Variants in ELF1 observed in about 807,000 individuals in gnomAD.
ELF1 encodes E74 like ETS transcription factor 1, also known as ETS-related transcription factor Elf-1.
Under a neutral mutation model 59.9 loss-of-function variants are expected in ELF1, and 24 were observed. The ratio of observed to expected loss-of-function variants is 0.40; its 90% CI spans 0.29 to 0.56. ELF1 has a LOEUF of 0.56. ELF1 is among the 20% of genes least tolerant of loss of function. ELF1 has a pLI of 0.44. For missense variants in ELF1, 627 were observed against 742.2 expected (o/e 0.84, Z 1.80); for synonymous variants, 248 against 266.2 (o/e 0.93, Z 0.67).
chr13:41,044,291 T>C (rs550805428), intron 1 of ELF1, among the ~76,000 whole-genome samples: 1 of 152,284 alleles, frequency 6.6e-6, no homozygotes, highest in Non-Finnish European at 1.5e-5. Flanking sequence ...CCTTTATTTC[T>C]TTCTCCTGCC....
chr13:41,005,499 G>C (rs1874695681), intron 1 of ELF1, among the ~76,000 whole-genome samples: 2 of 129,158 alleles, frequency 1.5e-5, no homozygotes, highest in South Asian at 5.1e-4. Context: ...CAACCTTTAA[G>C]CAACTGACTA....
At chr13:41,060,914 T>TGCCGCTGCTGCCGCTGCCGCCGCCGCC (rs1555283652) in exon 1 of ELF1, 1 of 335,422 alleles carries the variant, frequency 3.0e-6, no homozygotes, top group African/African-American at 2.3e-5. Flanking sequence ...AAGCTGCTGC[T>TGCCGCTGCTGCCGCTGCCGCCGCCGCC]GCCGCCGCCG....
At chr13:41,050,311 G>T (rs1288331319) in intron 1 of ELF1, among the ~76,000 whole-genome samples, 2 of 152,124 alleles carry the variant, frequency 1.3e-5, no homozygotes, top group East Asian at 3.9e-4. Flanking sequence ...TGTCCTCAAG[G>T]TTATGTAGCA....
At chr13:40,991,205 G>A (rs1873836493) in intron 1 of ELF1, among the ~76,000 whole-genome samples, 2 of 152,150 alleles carry the variant, frequency 1.3e-5, no homozygotes, top group Admixed American at 6.5e-5. Flanking sequence ...AAGGAAACAT[G>A]ACAACTAAAT....
chr13:40,963,341 T>C (rs1298571325), intron 2 of ELF1, among the ~76,000 whole-genome samples: 2 of 152,242 alleles, frequency 1.3e-5, no homozygotes, highest in Non-Finnish European at 2.9e-5. Flanking sequence ...TTCACTATTA[T>C]TTCCAAGGCT....
At chr13:41,021,628 T>G (rs775995800), upstream of ELF1, among the ~76,000 whole-genome samples, 4 of 152,218 alleles carry the variant, frequency 2.6e-5, no homozygotes, top group Non-Finnish European at 4.4e-5. Flanking sequence ...GCATCATAAC[T>G]TATTTATCTA....
At chr13:40,972,685 G>A (rs1434214708) in intron 2 of ELF1, among the ~76,000 whole-genome samples, 1 of 152,044 alleles carries the variant, frequency 6.6e-6, no homozygotes, top group Non-Finnish European at 1.5e-5. Flanking sequence ...ACCTTGGGAG[G>A]TAATTCTGTT....
chr13:40,965,562 A>C (rs979532337), intron 2 of ELF1, among the ~76,000 whole-genome samples: 2 of 152,234 alleles, frequency 1.3e-5, no homozygotes, highest in Middle Eastern at 3.4e-3. Flanking sequence ...CAGAGGCTGC[A>C]ATGAGCCCAG....
chr13:41,000,786 C>CATTAAA (rs1874387487), intron 1 of ELF1, among the ~76,000 whole-genome samples: 4 of 151,922 alleles, frequency 2.6e-5, no homozygotes, highest in Non-Finnish European at 5.9e-5. Context: ...TTTATTTAAT[C>CATTAAA]CTTAAACATC....
At chr13:41,031,604 G>A (rs1876162752) in intron 1 of ELF1, among the ~76,000 whole-genome samples, 1 of 151,932 alleles carries the variant, frequency 6.6e-6, no homozygotes, top group African/African-American at 2.4e-5. Context: ...TGGATCACGA[G>A]GTTGGGAGTT....
chr13:41,060,752 G>C (rs865811186), intron 1 of ELF1: 1 of 169,136 alleles, frequency 5.9e-6, no homozygotes, highest in African/African-American at 2.4e-5. Flanking sequence ...CATACCGGGA[G>C]TCGAACCCGG....
At chr13:40,982,923 T>G (rs895297058) in intron 1 of ELF1, 1 of 971,180 alleles carries the variant, frequency 1.0e-6, no homozygotes, top group African/African-American at 1.8e-5. Flanking sequence ...ATCTCTAGTA[T>G]AGGCTTGCAA....
intron 1 of ELF1, among the ~76,000 whole-genome samples, chr13:40,983,742 G>A (rs1873410592): frequency 6.6e-6 from 1 of 152,048 alleles, no homozygotes; most frequent in Non-Finnish European, 1.5e-5. Flanking sequence ...ATTTGGCCTT[G>A]TACTTATTAT....
intron 2 of ELF1, among the ~76,000 whole-genome samples, chr13:40,973,628 G>A (rs961728427): frequency 6.6e-6 from 1 of 151,530 alleles, no homozygotes; most frequent in African/African-American, 2.4e-5. Context: ...AGAAGCAACA[G>A]AGGTGCTAAT....
chr13:41,049,465 C>A (rs1876994799), intron 1 of ELF1, among the ~76,000 whole-genome samples: 1 of 152,176 alleles, frequency 6.6e-6, no homozygotes, highest in Non-Finnish European at 1.5e-5. Context: ...CCATCAATAT[C>A]TGCCCACTCT....
At chr13:40,990,088 C>T (rs1400326150) in intron 1 of ELF1, among the ~76,000 whole-genome samples, 1 of 152,070 alleles carries the variant, frequency 6.6e-6, no homozygotes, top group Admixed American at 6.5e-5. Flanking sequence ...CATAATTTTA[C>T]AAAACCAAAC....
chr13:40,955,030 C>A (rs1224585362), intron 3 of ELF1, among the ~76,000 whole-genome samples: 3 of 150,198 alleles, frequency 2.0e-5, no homozygotes, highest in Non-Finnish European at 4.4e-5. Context: ...TGCCCATCGT[C>A]TGAGATGTGG....
chr13:41,025,165 TCCCTAG>T (rs1875843774), intron 1 of ELF1, among the ~76,000 whole-genome samples: 1 of 152,006 alleles, frequency 6.6e-6, no homozygotes, highest in Non-Finnish European at 1.5e-5. Flanking sequence ...TCTCCCTCAC[TCCCTAG>T]CCCCTGACAG....
In ELF1 at chr13:40,943,827, A is replaced by C. The variant is rs558015013; in HGVS notation, c.613+15T>G. The stretch of plus-strand genomic sequence containing the variant: ...TCTGAGTGTTATTTGACCTATAAGT[A>C]TTACACAGTAGTACCCTTTCCATCT... On this transcript the variant is annotated intron_variant, in intron 6 of 8. Transcript: ENST00000239882. 6.2e-7 allele frequency: 1 copy of C among 1,607,736 alleles called. No individual in the cohort carries two copies.
Sources: allele counts gnomAD v4.1 joint callset (sites outside exome capture counted in the v4.1 genomes callset), GRCh38; gene constraint gnomAD v4.1.1; transcripts MANE v1.5; gene names NCBI Gene and HGNC (gene_info 2026-07-23, HGNC 2026-07-21).